S100Z: variants seen among roughly 807,000 people sequenced by gnomAD.
S100Z encodes protein S100-Z.
A neutral mutation model predicts 8.5 loss-of-function variants in S100Z; 11 were observed. The ratio of observed to expected loss-of-function variants is 1.30; its 90% CI spans 0.82 to 2.15. S100Z has a LOEUF of 2.15. Ranked by LOEUF, S100Z falls within the 30% of genes most tolerant of loss-of-function variation. The pLI is 0.00. For missense variants in S100Z, 126 were observed against 117.9 expected, an observed-to-expected ratio of 1.07 and a Z score of -0.32; for synonymous variants, 34 against 43.8, an observed-to-expected ratio of 0.78 and a Z score of 0.89.
chr5:76,944,959 T>C, the S100Z span, among the ~76,000 whole-genome samples: 56 of 152,204 alleles, frequency 3.7e-4, no homozygotes, highest in Middle Eastern at 3.4e-3. Flanking sequence ...TGAAGGGAGT[T>C]GTAGGGAAAA....
intron 3 of S100Z, among the ~76,000 whole-genome samples, chr5:76,875,799 T>C (rs554062610): frequency 6.6e-6 from 1 of 152,330 alleles, no homozygotes; most frequent in South Asian, 2.1e-4. Flanking sequence ...GCCAGAGTTA[T>C]AGTTATAACT....
chr5:76,855,052 T>C (rs1243377859), intron 1 of S100Z, among the ~76,000 whole-genome samples: 2 of 152,240 alleles, frequency 1.3e-5, no homozygotes, highest in East Asian at 1.9e-4. Flanking sequence ...AGCCTGTGAG[T>C]GCACAGAATG....
chr5:76,915,631 TA>T (rs1246309299), intron 4 of S100Z, among the ~76,000 whole-genome samples: 2 of 150,972 alleles, frequency 1.3e-5, no homozygotes, highest in Non-Finnish European at 3.0e-5. Flanking sequence ...AAATAAAAAA[TA>T]AAAATAAATA....
In S100Z at chr5:76,893,053, G is replaced by T. The variant is rs76741139; in HGVS notation, c.*2+15219G>T. Among the ~76,000 whole-genome samples the T allele has an allele frequency of 1.9e-3, 288 of 152,290 alleles. 1 individual carries two copies. Among genetic ancestry groups the T allele is most frequent in the African/African-American group, 6.5e-3 (269 of 41,574 alleles). ...AGCTCTCTATTTAGGAACAAAATGGGAGGCAGTTTTGTGCAATTCAGTTCC... is the reference window on the plus strand; with the variant it reads ...AGCTCTCTATTTAGGAACAAAATGGTAGGCAGTTTTGTGCAATTCAGTTCC... On this transcript the variant is annotated intron_variant, in intron 4 of 4. Coordinates refer to ENST00000317593, the MANE Select transcript of S100Z (RefSeq NM_130772.4).
At chr5:76,908,567 A>G (rs962564884) in intron 4 of S100Z, among the ~76,000 whole-genome samples, 14 of 152,204 alleles carry the variant, frequency 9.2e-5, no homozygotes, top group Admixed American at 8.5e-4. Flanking sequence ...TGAGAAAGAC[A>G]TATTTTTTGC....
At chr5:76,915,832 A>C (rs1744836497) in intron 4 of S100Z, among the ~76,000 whole-genome samples, 1 of 152,202 alleles carries the variant, frequency 6.6e-6, no homozygotes, top group African/African-American at 2.4e-5. Flanking sequence ...GTAAAAGGAC[A>C]AAAAATTACA....
At chr5:76,865,595 A>T (rs1463145441) in intron 1 of S100Z, among the ~76,000 whole-genome samples, 1 of 151,946 alleles carries the variant, frequency 6.6e-6, no homozygotes, top group Non-Finnish European at 1.5e-5. Context: ...AAAAAAAATT[A>T]AAAATAGAAA....
intron 4 of S100Z, among the ~76,000 whole-genome samples, chr5:76,910,178 A>G (rs911918032): frequency 6.6e-6 from 1 of 152,116 alleles, no homozygotes; most frequent in Non-Finnish European, 1.5e-5. Flanking sequence ...TCCTTCTGCT[A>G]TCCTTGAGCA....
the S100Z span, among the ~76,000 whole-genome samples, chr5:76,945,276 C>T: frequency 6.6e-6 from 1 of 152,172 alleles, no homozygotes; most frequent in Admixed American, 6.5e-5. Context: ...CCCTGGAAAG[C>T]CGGGTATTGT....
Position 76,875,333 on chromosome 5 carries a change from T to G in S100Z, c.-27T>G. 1 of 1,601,642 alleles carries G rather than the reference T, an allele frequency of 6.2e-7. No homozygotes were observed. The highest frequency in any genetic ancestry group is 1.1e-5 in the South Asian group (1 of 89,364). The stretch of plus-strand genomic sequence containing the variant: ...TTCTCCCCGGGTTTGGTGGCCTGCT[T>G]CTGGAGTGGTCAGTTCTGCTGCCGA... On this transcript the variant is annotated 5_prime_UTR_variant, in exon 3 of 5. Transcript: ENST00000317593.
At chr5:76,913,570 C>T (rs10942798) in intron 4 of S100Z, among the ~76,000 whole-genome samples, 75,584 of 151,690 alleles carry the variant, frequency 0.5, 21,224 homozygotes, top group Non-Finnish European at 0.63. Context: ...CCCAAACTTA[C>T]AAGATTTTCA....
chr5:76,908,523 T>C (rs1347044015), intron 4 of S100Z, among the ~76,000 whole-genome samples: 1 of 152,196 alleles, frequency 6.6e-6, no homozygotes, highest in Non-Finnish European at 1.5e-5. Context: ...ACTTCAGGAC[T>C]CTGTTACCTC....
At position 76,875,882 on chromosome 5, in the gene S100Z, T is replaced by C. The variant is rs79258634; in HGVS notation, c.141+382T>C. 3.0e-3 allele frequency among the ~76,000 whole-genome samples: 455 copies of C among 152,120 alleles called. 5 individuals carry two copies. The highest frequency in any genetic ancestry group is 0.029 in the East Asian group (149 of 5,172). Reference sequence around the variant, plus strand: ...ATGTATTGGGCCAGAGGTGAAGGGGTACTTTACCTTCAGAGGTGGGGTACT... The same window carrying C: ...ATGTATTGGGCCAGAGGTGAAGGGGCACTTTACCTTCAGAGGTGGGGTACT... On this transcript the variant is annotated intron_variant, in intron 3 of 4. Coordinates refer to ENST00000317593, the MANE Select transcript of S100Z (RefSeq NM_130772.4).
At chr5:76,916,577 C>A (rs944884832) in intron 4 of S100Z, among the ~76,000 whole-genome samples, 2 of 149,802 alleles carry the variant, frequency 1.3e-5, no homozygotes, top group African/African-American at 4.9e-5. Flanking sequence ...CCATTGAAAT[C>A]CTAAGAGTGT....
chr5:76,866,158 C>G (rs1358955545), intron 1 of S100Z, among the ~76,000 whole-genome samples: 3 of 150,002 alleles, frequency 2.0e-5, no homozygotes, highest in Non-Finnish European at 2.9e-5. Flanking sequence ...GATCTTGGCT[C>G]ACTGCAACCT....
the S100Z span, among the ~76,000 whole-genome samples, chr5:76,932,464 C>T: frequency 6.6e-6 from 1 of 152,158 alleles, no homozygotes; most frequent in African/African-American, 2.4e-5. Flanking sequence ...AGCAATTCTC[C>T]TGCCTCAGCC....
At chr5:76,903,290 C>T (rs555791769) in intron 4 of S100Z, among the ~76,000 whole-genome samples, 9 of 152,102 alleles carry the variant, frequency 5.9e-5, no homozygotes, top group Non-Finnish European at 1.2e-4. Flanking sequence ...CATGGTTTTG[C>T]GTTTTCCATC....
At chr5:76,906,812 T>C (rs942840558) in intron 4 of S100Z, among the ~76,000 whole-genome samples, 2 of 151,658 alleles carry the variant, frequency 1.3e-5, no homozygotes, top group South Asian at 4.2e-4. Context: ...TTTGTGTTTT[T>C]AGTAGAGACA....
chr5:76,873,458 C>A (rs1743078278), intron 2 of S100Z, among the ~76,000 whole-genome samples: 1 of 152,022 alleles, frequency 6.6e-6, no homozygotes, highest in African/African-American at 2.4e-5. Flanking sequence ...CAGGCGTGCA[C>A]CACCATATCC....
Sources: gnomAD v4.1 joint callset for allele counts (sites outside exome capture counted in the v4.1 genomes callset) on GRCh38, gnomAD v4.1.1 for gene constraint, MANE v1.5 for transcripts, NCBI Gene and HGNC (gene_info 2026-07-23, HGNC 2026-07-21) for gene names.